Variants in NKX2-2 observed in about 807,000 individuals in gnomAD.
NKX2-2 encodes NK2 homeobox 2.
Under a neutral mutation model 24.6 loss-of-function variants are expected in NKX2-2, and 8 were observed. That is an observed-to-expected ratio of 0.32 (90% CI 0.19 to 0.59). The LOEUF (loss-of-function observed/expected upper bound fraction) is 0.59. Among genes scored for constraint, NKX2-2 ranks in the 20% least tolerant of loss-of-function variants. The probability of loss-of-function intolerance (pLI) is 0.86; values close to 1 mark genes in which losing one functional copy is unlikely to be tolerated. For synonymous variants in NKX2-2, 217 were observed against 173.3 expected (o/e 1.25, Z -1.98); for missense variants, 381 against 373.9 (o/e 1.02, Z -0.16).
the NKX2-2 span, among the ~76,000 whole-genome samples, chr20:21,519,420 G>A: frequency 6.6e-6 from 1 of 152,192 alleles, no homozygotes; most frequent in Non-Finnish European, 1.5e-5. Context: ...GATTAACGGC[G>A]CGGACACAAA....
In NKX2-2 at chr20:21,511,039, G is replaced by T. The variant is rs997194879; in HGVS notation, c.*884C>A. On this transcript the variant is annotated 3_prime_UTR_variant, in exon 2 of 2. Transcript: ENST00000377142. Reference sequence around the variant, plus strand: ...TTCTTTTTTTCTTTTTTAAACACAGGATTTTTATTAAAATTCTTATTTAAA... The same window carrying T: ...TTCTTTTTTTCTTTTTTAAACACAGTATTTTTATTAAAATTCTTATTTAAA... The T allele has an allele frequency of 3.6e-4, 55 of 152,512 alleles. No individual in the cohort carries two copies. The highest frequency in any genetic ancestry group is 1.3e-3 in the African/African-American group (53 of 41,562). 9.4% of individuals were successfully genotyped at this position (152,512 alleles called of 1,614,324 possible). A position where few individuals can be genotyped will look rare whatever the true frequency, so the allele number is the denominator to read the frequency against.
the NKX2-2 span, among the ~76,000 whole-genome samples, chr20:21,519,909 G>A: frequency 6.6e-6 from 1 of 152,296 alleles, no homozygotes; most frequent in African/African-American, 2.4e-5. Context: ...TCTGGCAGGA[G>A]AGACTCACAG....
Position 21,513,222 on chromosome 20 carries a change from G to T in NKX2-2, c.259+189C>A, listed in dbSNP as rs887515439. Among the ~76,000 whole-genome samples, 1 of 152,168 alleles carries T rather than the reference G, an allele frequency of 6.6e-6. No homozygotes were observed. Among genetic ancestry groups the T allele is most frequent in the Non-Finnish European group, 1.5e-5 (1 of 68,028 alleles). On this transcript the variant is annotated intron_variant, in intron 1 of 1. Coordinates refer to ENST00000377142, the MANE Select transcript of NKX2-2 (RefSeq NM_002509.4). The surrounding 1 kb of genome is among the most constrained non-coding windows in gnomAD (Gnocchi z 4.6). ...AATTTTGGAGACCAAGTTCTTTCCC[G>T]GAACTAAGGAGGCTTGAAGAGGAGG...
chr20:21,517,708 G>A (rs1012495999), upstream of NKX2-2, among the ~76,000 whole-genome samples: 21 of 152,168 alleles, frequency 1.4e-4, no homozygotes, highest in African/African-American at 4.8e-4. Context: ...CCCGGCTTGC[G>A]CCCAAAGAGC....
rs764677306 is a variant in NKX2-2, at chr20:21,512,370, G to T, written c.375C>A (p.Ala125=). Residue 125 remains alanine, a synonymous_variant, in exon 2 of 2, where the codon GCC becomes GCA. Transcript: ENST00000377142. The part of the protein sequence containing the change: ...DKETPGGGGD[A]GKKRKRRVLF... ...GCACTCGCCGCTTTCGCTTCTTGCCGGCGTCCCCCCCGCCGCCCGGGGTCT... is the reference window on the plus strand; with the variant it reads ...GCACTCGCCGCTTTCGCTTCTTGCCTGCGTCCCCCCCGCCGCCCGGGGTCT... The T allele has an allele frequency of 6.2e-7, 1 of 1,606,762 alleles. No individual in the cohort carries two copies. The highest frequency in any genetic ancestry group is 1.1e-5 in the South Asian group (1 of 90,104).
At chr20:21,522,655 C>A in the NKX2-2 span, among the ~76,000 whole-genome samples, 1 of 151,608 alleles carries the variant, frequency 6.6e-6, no homozygotes, top group African/African-American at 2.4e-5. Flanking sequence ...GCTGCGGAGT[C>A]GCGGGCGGTC....
At position 21,511,927 on chromosome 20, in the gene NKX2-2, C is replaced by T; in HGVS notation, c.818G>A (p.Trp273Ter). 1 of 1,580,288 alleles carries T rather than the reference C, an allele frequency of 6.3e-7. No individual in the cohort carries two copies. The highest frequency in any genetic ancestry group is 8.6e-7 in the Non-Finnish European group (1 of 1,163,658). ...CGAGTCTCGTTGGGGCGGCGCTCACCAAGTCCACTGCTGGGCCTGGACCAG... is the reference window on the plus strand; with the variant it reads ...CGAGTCTCGTTGGGGCGGCGCTCACTAAGTCCACTGCTGGGCCTGGACCAG... ...HPLVQAQQWT[W>*] Residue 273 changes from tryptophan to a stop codon, truncating the protein, a stop_gained, in exon 2 of 2, where the codon TGG becomes TAG. Coordinates refer to ENST00000377142, the MANE Select transcript of NKX2-2 (RefSeq NM_002509.4). LOFTEE classifies it high-confidence loss of function.
Position 21,511,940 on chromosome 20 carries a change from G to C in NKX2-2, c.805C>G (p.Gln269Glu). 4 of 1,592,978 alleles carry C rather than the reference G, an allele frequency of 2.5e-6. No individual in the cohort carries two copies. The highest frequency in any genetic ancestry group is 3.4e-6 in the Non-Finnish European group (4 of 1,169,628). Residue 269 changes from glutamine (Q) to glutamate (E), a missense_variant, in exon 2 of 2, where the codon CAG (glutamine) becomes GAG (glutamate). Coordinates refer to ENST00000377142, the MANE Select transcript of NKX2-2 (RefSeq NM_002509.4). ...GGCGGCGCTCACCAAGTCCACTGCT[G>C]GGCCTGGACCAGGGGGTGTGCTGTC... ...YPTAHPLVQA[Q>E]QWTW
chr20:21,512,425 G>A lies in NKX2-2; in HGVS notation c.320C>T (p.Ser107Leu). Residue 107 changes from serine (S) to leucine (L), a missense_variant, in exon 2 of 2, where the codon TCG becomes TTG. By Grantham distance (145) the Ser-to-Leu change is moderately radical. Coordinates refer to ENST00000377142, the MANE Select transcript of NKX2-2 (RefSeq NM_002509.4). Reference protein sequence around the residue: ...QDSSSKSPEPSADESPDNDKE... With the variant: ...QDSSSKSPEPLADESPDNDKE... ...GTCATTGTCCGGTGACTCGTCGGCCGAGGGCTCCGGGGACTTGGAGCTTGA... is the reference window on the plus strand; with the variant it reads ...GTCATTGTCCGGTGACTCGTCGGCCAAGGGCTCCGGGGACTTGGAGCTTGA... 1 of 1,592,682 alleles carries A rather than the reference G, an allele frequency of 6.3e-7. No individual in the cohort carries two copies. Among genetic ancestry groups the A allele is most frequent in the Non-Finnish European group, 8.5e-7 (1 of 1,175,160 alleles).
chr20:21,512,003 T>C lies in NKX2-2; in HGVS notation c.742A>G (p.Asn248Asp). Residue 248 changes from asparagine (N) to aspartate (D), a missense_variant, in exon 2 of 2, where the codon AAC becomes GAC. Physicochemically the swap from Asn to Asp is conservative, Grantham distance 23 (BLOSUM62 1). Transcript: ENST00000377142. ...SAQSLQHMQYNAQYSSASTPQ... is the reference protein window; with the variant it reads ...SAQSLQHMQYDAQYSSASTPQ... ...GTGCTGGCCGAGCTGTACTGGGCGT[T>C]GTACTGCATGTGCTGCAGCGACTGC... 6.2e-7 allele frequency: 1 copy of C among 1,613,304 alleles called. No homozygotes were observed. Among genetic ancestry groups the C allele is most frequent in the Non-Finnish European group, 8.5e-7 (1 of 1,179,920 alleles).
chr20:21,517,066 G>A (rs1485666248), upstream of NKX2-2, among the ~76,000 whole-genome samples: 1 of 152,202 alleles, frequency 6.6e-6, no homozygotes, highest in Non-Finnish European at 1.5e-5. Context: ...CTGGCTCCTG[G>A]AATTAATCAC....
upstream of NKX2-2, among the ~76,000 whole-genome samples, chr20:21,517,697 G>T (rs1042032913): frequency 6.6e-6 from 1 of 152,190 alleles, no homozygotes; most frequent in Admixed American, 6.5e-5. Context: ...AATTTCTTGG[G>T]CCCGGCTTGC....
the NKX2-2 span, among the ~76,000 whole-genome samples, chr20:21,522,673 G>T: frequency 6.6e-6 from 1 of 151,504 alleles, no homozygotes; most frequent in Non-Finnish European, 1.5e-5. Context: ...GTCGGGCGGC[G>T]GCTCGACGCG....
upstream of NKX2-2, among the ~76,000 whole-genome samples, chr20:21,514,264 G>T (rs1980555696): frequency 6.6e-6 from 1 of 152,144 alleles, no homozygotes; most frequent in Non-Finnish European, 1.5e-5. Flanking sequence ...GGCGGGTCTT[G>T]GGAGTCAAGT....
chr20:21,512,381 C>A lies in NKX2-2; in HGVS notation c.364G>T (p.Gly122Trp). The A allele has an allele frequency of 6.2e-7, 1 of 1,602,826 alleles. No homozygotes were observed. The highest frequency in any genetic ancestry group is 8.5e-7 in the Non-Finnish European group (1 of 1,176,192). ...PDNDKETPGG[G>W]GDAGKKRKRR... Reference sequence around the variant, plus strand: ...TTTCGCTTCTTGCCGGCGTCCCCCCCGCCGCCCGGGGTCTCCTTGTCATTG... The same window carrying A: ...TTTCGCTTCTTGCCGGCGTCCCCCCAGCCGCCCGGGGTCTCCTTGTCATTG... The change falls in exon 2 of 2, where the codon GGG becomes TGG. Residue 122 changes from glycine (G) to tryptophan (W), a missense_variant. Gly to Trp is a radical substitution (Grantham distance 184, BLOSUM62 -2). Coordinates refer to ENST00000377142, the MANE Select transcript of NKX2-2 (RefSeq NM_002509.4).
chr20:21,519,683 C>A, the NKX2-2 span, among the ~76,000 whole-genome samples: 2 of 152,182 alleles, frequency 1.3e-5, no homozygotes, highest in South Asian at 2.1e-4. Flanking sequence ...GGGAATGCAC[C>A]CCAGGAGTAC....
chr20:21,519,885 G>A, the NKX2-2 span, among the ~76,000 whole-genome samples: 3 of 152,164 alleles, frequency 2.0e-5, no homozygotes, highest in Non-Finnish European at 4.4e-5. Flanking sequence ...AGGCCAGACC[G>A]TGCCCGGCAG....
In NKX2-2 at chr20:21,512,184, C is replaced by T. The variant is rs768100203; in HGVS notation, c.561G>A (p.Arg187=). Reference sequence around the variant, plus strand: ...GCGTCACCTCCATACCTTTCTCGGCCCGGGCGCGCTTCATCTTGTAGCGGT... The same window carrying T: ...GCGTCACCTCCATACCTTTCTCGGCTCGGGCGCGCTTCATCTTGTAGCGGT... ...QNHRYKMKRA[R]AEKGMEVTPL... Residue 187 remains arginine, a synonymous_variant, in exon 2 of 2, where the codon CGG becomes CGA. Transcript: ENST00000377142. 18 of 1,613,972 alleles carry T rather than the reference C, an allele frequency of 1.1e-5. No individual in the cohort carries two copies. The South Asian group carries it at 1.4e-4, about 13-fold the overall frequency.
Position 21,512,139 on chromosome 20 carries a change from C to A in NKX2-2, c.606G>T (p.Arg202=), listed in dbSNP as rs201222711. 174 of 1,613,566 alleles carry A rather than the reference C, an allele frequency of 1.1e-4. No homozygotes were observed. The highest frequency in any genetic ancestry group is 5.0e-5 in the Admixed American group (3 of 59,984). The stretch of plus-strand genomic sequence containing the variant: ...CCCTGACCAAGACGGGCACGGCCAC[C>A]CGGCGCGGCGAGGGCAGGGGCGTCA... The part of the protein sequence containing the change: ...MEVTPLPSPR[R]VAVPVLVRDG... The change falls in exon 2 of 2, where the codon CGG becomes CGT. Residue 202 remains arginine (R), a synonymous_variant. Transcript: ENST00000377142.
Sources: gnomAD v4.1 joint callset for allele counts (sites outside exome capture counted in the v4.1 genomes callset) on GRCh38, gnomAD v4.1.1 for gene constraint, Gnocchi (gnomAD v3.1) non-coding constraint, MANE v1.5 for transcripts, NCBI Gene and HGNC (gene_info 2026-07-23, HGNC 2026-07-21) for gene names.